The following SERPINI2 variants were observed in gnomAD, a reference collection of about 807,000 sequenced individuals.
SERPINI2 encodes serpin family I member 2.
SERPINI2 carries 48 observed loss-of-function variants against 47.3 expected under a neutral mutation model. The ratio of observed to expected loss-of-function variants is 1.02; its 90% confidence interval spans 0.81 to 1.29. SERPINI2 has a LOEUF of 1.29. Ranked by LOEUF, SERPINI2 falls within the 50% of genes most tolerant of loss-of-function variation. The pLI, the probability that SERPINI2 is intolerant of heterozygous loss-of-function variation, is 0.00. For synonymous variants in SERPINI2, 135 were observed against 149.3 expected (o/e 0.90, Z 0.70); for missense variants, 448 against 456.9 (o/e 0.98, Z 0.18).
intron 6 of SERPINI2, among the ~76,000 whole-genome samples, chr3:167,450,171 G>C (rs538017871): frequency 4.8e-4 from 73 of 152,192 alleles, no homozygotes; most frequent in Non-Finnish European, 9.1e-4. Context: ...CTTCAAATCT[G>C]GGGAAGCTAT....
intron 8 of SERPINI2, among the ~76,000 whole-genome samples, chr3:167,445,240 C>T (rs548329804): frequency 1.3e-5 from 2 of 152,260 alleles, no homozygotes; most frequent in East Asian, 3.9e-4. Context: ...ATCAGTATCG[C>T]TAGTTCATCT....
rs79835918 is a variant in SERPINI2 at position 167,465,229 on chromosome 3, C to T, written c.843G>A (p.Glu281=). Residue 281 remains glutamate (E), a synonymous_variant, in exon 5 of 9, where the codon GAG becomes GAA. Transcript: ENST00000264677. ...ACCTAGGGAGGCTTATTTCTACTTC[C>T]TCTTCTTGCATCTCAGAGAGCCATT... The T allele has an allele frequency of 9.9e-6, 16 of 1,610,426 alleles. No individual in the cohort carries two copies. In the African/African-American group the frequency reaches 2.0e-4, roughly 20 times the overall value.
At chr3:167,443,951 C>T (rs1272098940) in intron 8 of SERPINI2, among the ~76,000 whole-genome samples, 1 of 151,982 alleles carries the variant, frequency 6.6e-6, no homozygotes, top group Non-Finnish European at 1.5e-5. Context: ...AAATAGGTAC[C>T]CCCATATTTA....
intron 7 of SERPINI2, among the ~76,000 whole-genome samples, chr3:167,449,066 T>A (rs1428035113): frequency 1.3e-5 from 2 of 152,230 alleles, no homozygotes; most frequent in Non-Finnish European, 2.9e-5. Flanking sequence ...GGTAATCCAA[T>A]TCGCAAGTAA....
intron 7 of SERPINI2, 27 bp downstream of exon 7, chr3:167,449,289 A>G (rs1749573546): frequency 6.7e-7 from 1 of 1,483,390 alleles, no homozygotes; most frequent in Middle Eastern, 1.7e-4. Context: ...GTTTCCTTCT[A>G]GCTTGGCCAG....
intron 5 of SERPINI2, among the ~76,000 whole-genome samples, chr3:167,459,839 C>T (rs1231401093): frequency 1.3e-5 from 2 of 152,026 alleles, no homozygotes; most frequent in Non-Finnish European, 1.5e-5. Context: ...TTTAATGTCA[C>T]CTTACTTGGA....
chr3:167,456,789 G>T (rs1318156227), intron 5 of SERPINI2, among the ~76,000 whole-genome samples: 7 of 151,988 alleles, frequency 4.6e-5, no homozygotes, highest in Admixed American at 4.6e-4. Flanking sequence ...TATGATGGGG[G>T]GCCACCTATT....
intron 8 of SERPINI2, among the ~76,000 whole-genome samples, chr3:167,443,577 C>T (rs1377680024): frequency 6.6e-6 from 1 of 152,008 alleles, no homozygotes; most frequent in African/African-American, 2.4e-5. Context: ...GAATAAGCAG[C>T]GACTCCTATA....
At chr3:167,465,054 A>T in intron 5 of SERPINI2, 152 bp downstream of exon 5, 1 of 660,020 alleles carries the variant, frequency 1.5e-6, no homozygotes, top group Non-Finnish European at 2.5e-6. Context: ...GCCCTGCTTT[A>T]GTATCCAAAA....
At position 167,465,674 on chromosome 3, in the gene SERPINI2, C is replaced by G. The variant is rs1460200465; in HGVS notation, c.479-1G>C. On this transcript the variant is annotated splice_acceptor_variant, in intron 3 of 8. Transcript: ENST00000264677. LOFTEE classifies it high-confidence loss of function. ...CCTGAAAACATGTCTTTAATTTTTC[C>G]TAGGAAGTGGGTGGAGGAGGAGGTA... 1 of 1,605,584 alleles carries G rather than the reference C, an allele frequency of 6.2e-7. No individual in the cohort carries two copies. The highest frequency in any genetic ancestry group is 1.1e-5 in the South Asian group (1 of 90,014).
intron 1 of SERPINI2, 50 bp from the exon 2 acceptor site, chr3:167,471,894 C>T: frequency 7.0e-7 from 1 of 1,432,914 alleles, no homozygotes; most frequent in Non-Finnish European, 9.6e-7. Flanking sequence ...GAGTTTTCCA[C>T]AGAGAGCTCA....
chr3:167,467,587 C>G (rs550017649), intron 2 of SERPINI2, among the ~76,000 whole-genome samples: 2 of 152,152 alleles, frequency 1.3e-5, no homozygotes, highest in South Asian at 4.1e-4. Context: ...TCACATTTAG[C>G]GCATTTTTAG....
chr3:167,456,734 T>A (rs910348255), intron 5 of SERPINI2, among the ~76,000 whole-genome samples: 2 of 152,198 alleles, frequency 1.3e-5, no homozygotes, highest in Admixed American at 6.5e-5. Context: ...GTAACCTTAA[T>A]GTAAAACTAG....
chr3:167,476,175 T>G (rs2108179177), upstream of SERPINI2, among the ~76,000 whole-genome samples: 1 of 151,884 alleles, frequency 6.6e-6, no homozygotes, highest in Non-Finnish European at 1.5e-5. Flanking sequence ...CACAGAAAAA[T>G]GGATCATAAG....
chr3:167,452,451 ACT>A (rs1749668672), intron 6 of SERPINI2, among the ~76,000 whole-genome samples: 1 of 152,146 alleles, frequency 6.6e-6, no homozygotes, highest in South Asian at 2.1e-4. Context: ...AGCCCAAAAG[ACT>A]CTGTTGCTAA....
intron 5 of SERPINI2, 101 bp from the exon 6 acceptor site, chr3:167,453,134 C>T (rs958329779): frequency 3.5e-6 from 2 of 568,124 alleles, no homozygotes; most frequent in Non-Finnish European, 6.1e-6. Flanking sequence ...ATTGTAAAAT[C>T]TTTTGTTTTT....
chr3:167,471,197 T>C (rs145156038), intron 2 of SERPINI2, among the ~76,000 whole-genome samples: 1,628 of 152,114 alleles, frequency 0.011, 32 homozygotes, highest in African/African-American at 0.036. Flanking sequence ...TTCCATGACA[T>C]GGGAAAATGA....
rs1027682738 is a variant in SERPINI2, at chr3:167,461,725, C to T, written c.866+3481G>A. Among the ~76,000 whole-genome samples the T allele has an allele frequency of 2.6e-5, 4 of 152,022 alleles. No homozygotes were observed. The East Asian group carries it at 7.7e-4, about 29-fold the overall frequency. ...ACATGGGCTCAAGTGATCCTCCTGC[C>T]TTATCCTCCACGGTAGCTGGGACTA... On this transcript the variant is annotated intron_variant, in intron 5 of 8. Transcript: ENST00000264677.
At chr3:167,449,316 C>T in exon 7 of SERPINI2, 1 of 1,607,426 alleles carries the variant, frequency 6.2e-7, no homozygotes, top group Non-Finnish European at 8.5e-7. Flanking sequence ...TTCACCCTAC[C>T]AGTTGATGTT....
Sources: gnomAD v4.1 joint callset for allele counts (sites outside exome capture counted in the v4.1 genomes callset) on GRCh38, gnomAD v4.1.1 for gene constraint, MANE v1.5 for transcripts, NCBI Gene and HGNC (gene_info 2026-07-23, HGNC 2026-07-21) for gene names.